CYB5A: variants seen among roughly 807,000 people sequenced by gnomAD.
The protein encoded by CYB5A is cytochrome b5 type A, also known as cytochrome b5.
Under a neutral mutation model 16.2 loss-of-function variants are expected in CYB5A, and 10 were observed. The observed-to-expected ratio is 0.62, with a 90% CI of 0.38 to 1.04. The LOEUF (loss-of-function observed/expected upper bound fraction) is 1.04. Among genes scored for constraint, CYB5A ranks in the 50% least tolerant of loss-of-function variants. CYB5A has a pLI of 0.01. For synonymous variants in CYB5A, 62 were observed against 57.0 expected (o/e 1.09, Z -0.40); for missense variants, 161 against 165.9 (o/e 0.97, Z 0.16).
intron 1 of CYB5A, among the ~76,000 whole-genome samples, chr18:74,273,428 A>G (rs928374582): frequency 6.6e-6 from 1 of 152,260 alleles, no homozygotes; most frequent in Admixed American, 6.5e-5. Context: ...CCAAATATCC[A>G]TAATGAATTA....
chr18:74,276,708 G>A (rs755762087), intron 1 of CYB5A, among the ~76,000 whole-genome samples: 4 of 152,182 alleles, frequency 2.6e-5, no homozygotes, highest in African/African-American at 7.2e-5. Context: ...AAAATGAACC[G>A]AACCCAGGGG....
intron 1 of CYB5A, among the ~76,000 whole-genome samples, chr18:74,282,353 G>A (rs12327090): frequency 0.038 from 5,851 of 151,988 alleles, 290 homozygotes; most frequent in East Asian, 0.18. Flanking sequence ...TTCTGGCACC[G>A]GACAAGGGCC....
chr18:74,283,959 G>A (rs894531526), intron 1 of CYB5A, among the ~76,000 whole-genome samples: 15 of 152,148 alleles, frequency 9.9e-5, no homozygotes, highest in Non-Finnish European at 5.9e-5. Flanking sequence ...CAGGCCGGGC[G>A]CAGTGGCTCA....
intron 1 of CYB5A, among the ~76,000 whole-genome samples, chr18:74,285,583 A>G (rs1983286175): frequency 6.6e-6 from 1 of 152,158 alleles, no homozygotes; most frequent in Non-Finnish European, 1.5e-5. Context: ...AACATCCATC[A>G]AAATTTAGAG....
Position 74,291,210 on chromosome 18 carries a change from C to T in CYB5A, c.129+537G>A, listed in dbSNP as rs146058821. Reference sequence around the variant, plus strand: ...CTCCAGCCGGCCACTGCGGGAATGCCGCCGGTCCTGGAAGGACACCCTTCT... The same window carrying T: ...CTCCAGCCGGCCACTGCGGGAATGCTGCCGGTCCTGGAAGGACACCCTTCT... On this transcript the variant is annotated intron_variant, in intron 1 of 4. Coordinates refer to ENST00000340533, the MANE Select transcript of CYB5A (RefSeq NM_148923.4). 4.7e-3 allele frequency among the ~76,000 whole-genome samples: 716 copies of T among 152,336 alleles called. 1 individual carries two copies. Among genetic ancestry groups the T allele is most frequent in the African/African-American group, 0.016 (663 of 41,576 alleles).
At chr18:74,270,663 C>T (rs963478343) in intron 1 of CYB5A, among the ~76,000 whole-genome samples, 46 of 152,288 alleles carry the variant, frequency 3.0e-4, no homozygotes, top group African/African-American at 1.1e-3. Flanking sequence ...CTAAACTATA[C>T]AGTATAACTG....
chr18:74,282,563 A>G (rs1983158944), intron 1 of CYB5A, among the ~76,000 whole-genome samples: 1 of 152,182 alleles, frequency 6.6e-6, no homozygotes, highest in African/African-American at 2.4e-5. Flanking sequence ...CGCGTGGAAA[A>G]AGCAGCATAT....
chr18:74,259,971 A>G (rs1161286999), intron 3 of CYB5A: 4 of 152,194 alleles, frequency 2.6e-5, no homozygotes, highest in Non-Finnish European at 5.9e-5. Context: ...TGTACTAAAT[A>G]GTATTACACA....
At chr18:74,276,946 CTA>C (rs1428865161) in intron 1 of CYB5A, among the ~76,000 whole-genome samples, 4 of 152,160 alleles carry the variant, frequency 2.6e-5, no homozygotes, top group African/African-American at 9.7e-5. Flanking sequence ...CCCTTTTCAC[CTA>C]AATGCAATGC....
At chr18:74,271,188 C>A (rs907778389) in intron 1 of CYB5A, among the ~76,000 whole-genome samples, 1 of 152,188 alleles carries the variant, frequency 6.6e-6, no homozygotes, top group African/African-American at 2.4e-5. Context: ...TTGTGTGGGA[C>A]AGAAAAAAGT....
chr18:74,282,035 A>G (rs973378520), intron 1 of CYB5A, among the ~76,000 whole-genome samples: 1 of 152,120 alleles, frequency 6.6e-6, no homozygotes, highest in African/African-American at 2.4e-5. Context: ...AATGCAGACC[A>G]AAGTGCTCCC....
chr18:74,290,864 G>C (rs1335647654), intron 1 of CYB5A: 1 of 152,030 alleles, frequency 6.6e-6, no homozygotes, highest in African/African-American at 2.4e-5. Context: ...ATGTCTTCAA[G>C]TTAACCAACG....
chr18:74,271,579 G>A lies in CYB5A; in HGVS notation c.130-8102C>T, dbSNP rs147106796. On this transcript the variant is annotated intron_variant, in intron 1 of 4. Coordinates refer to ENST00000340533, the MANE Select transcript of CYB5A (RefSeq NM_148923.4). ...TGTAAGGAATCCAGTGTGATGCTTT[G>A]ATACACATATACATTGTGAAATGAT... Among the ~76,000 whole-genome samples, 428 of 152,188 alleles carry A rather than the reference G, an allele frequency of 2.8e-3. 8 individuals are homozygous for A. The South Asian group carries it at 0.042, about 15-fold the overall frequency.
chr18:74,282,411 G>A (rs1178465399), intron 1 of CYB5A, among the ~76,000 whole-genome samples: 1 of 151,654 alleles, frequency 6.6e-6, no homozygotes, highest in East Asian at 1.9e-4. Context: ...ATGGAAAAAG[G>A]GGGAAAAAAA....
rs2848931 is a variant in CYB5A, at chr18:74,256,827, A to C, written c.289-1052T>G. ...AAGCAAAGCAGTTATGAGACCCACC[A>C]ACCTTGAAACACCGCCTTTAAGGTT... is the stretch of plus-strand genomic sequence containing the variant. On this transcript the variant is annotated intron_variant, in intron 3 of 4. Transcript: ENST00000340533. The C allele has an allele frequency of 3.7e-6, 6 of 1,614,010 alleles. No individual in the cohort carries two copies. The South Asian group carries it at 6.6e-5, about 18-fold the overall frequency.
intron 1 of CYB5A, among the ~76,000 whole-genome samples, chr18:74,279,153 T>C (rs914521097): frequency 2.0e-5 from 3 of 152,204 alleles, no homozygotes; most frequent in Non-Finnish European, 4.4e-5. Context: ...CCACCAAAAC[T>C]GGGGGCCCAG....
At chr18:74,256,616 C>A in intron 3 of CYB5A, 2 of 558,720 alleles carry the variant, frequency 3.6e-6, no homozygotes, top group South Asian at 2.7e-5. Context: ...TGTTCCACAC[C>A]AACATAAGCA....
intron 1 of CYB5A, 115 bp downstream of exon 1, chr18:74,291,632 G>T: frequency 1.3e-6 from 2 of 1,496,494 alleles, no homozygotes; most frequent in South Asian, 2.3e-5. Context: ...CGAACTCGGG[G>T]GGCGCGCCTA....
intron 1 of CYB5A, among the ~76,000 whole-genome samples, chr18:74,291,497 A>G (rs1380323388): frequency 7.1e-6 from 1 of 141,112 alleles, no homozygotes; most frequent in Admixed American, 7.0e-5. Flanking sequence ...AGGTGTGCGG[A>G]CTCGGGGAGC....
Sources: gnomAD v4.1 joint callset for allele counts (sites outside exome capture counted in the v4.1 genomes callset) on GRCh38, gnomAD v4.1.1 for gene constraint, MANE v1.5 for transcripts, NCBI Gene and HGNC (gene_info 2026-07-23, HGNC 2026-07-21) for gene names.